The following IQCB1 variants were observed in gnomAD, a reference collection of about 807,000 sequenced individuals.
IQCB1 encodes IQ motif containing B1.
A neutral mutation model predicts 84.4 loss-of-function variants in IQCB1; 56 were observed. The observed-to-expected ratio is 0.66, with a 90% confidence interval of 0.54 to 0.83. IQCB1 has a LOEUF of 0.83. Among genes scored for constraint, IQCB1 ranks in the 40% least tolerant of loss-of-function variants. The probability of loss-of-function intolerance (pLI) is 0.00; values close to 1 mark genes in which losing one functional copy is unlikely to be tolerated. For synonymous variants in IQCB1, 210 were observed against 234.8 expected, an observed-to-expected ratio of 0.89 and a Z score of 0.96; for missense variants, 629 against 682.1, an observed-to-expected ratio of 0.92 and a Z score of 0.87.
At chr3:121,826,320 G>A (rs1279335126) in intron 4 of IQCB1, 140 bp from the exon 5 acceptor site, 2 of 825,924 alleles carry the variant, frequency 2.4e-6, no homozygotes, top group African/African-American at 3.4e-5. Context: ...TGAAAAATTA[G>A]TCTAACAACT....
intron 2 of IQCB1, among the ~76,000 whole-genome samples, chr3:121,831,526 C>T (rs1251016814): frequency 6.6e-6 from 1 of 152,112 alleles, no homozygotes; most frequent in Non-Finnish European, 1.5e-5. Flanking sequence ...ACAGGTAAAA[C>T]AACTTAGGGC....
chr3:121,827,646 T>C (rs1950505847), intron 4 of IQCB1, among the ~76,000 whole-genome samples: 1 of 152,114 alleles, frequency 6.6e-6, no homozygotes, highest in South Asian at 2.1e-4. Flanking sequence ...ATTTTTCAAC[T>C]GTTCTTTGTA....
At chr3:121,780,923 C>T (rs1276231806) in intron 13 of IQCB1, among the ~76,000 whole-genome samples, 1 of 151,882 alleles carries the variant, frequency 6.6e-6, no homozygotes, top group Non-Finnish European at 1.5e-5. Context: ...CAAACACCAC[C>T]ACCACAATCA....
At chr3:121,804,358 C>T (rs1949527208) in intron 7 of IQCB1, among the ~76,000 whole-genome samples, 1 of 151,996 alleles carries the variant, frequency 6.6e-6, no homozygotes, top group Non-Finnish European at 1.5e-5. Context: ...TATGTAATCA[C>T]CATTTCCGAT....
intron 1 of IQCB1, among the ~76,000 whole-genome samples, chr3:121,834,763 C>G (rs1708172261): frequency 6.6e-6 from 1 of 152,210 alleles, no homozygotes; most frequent in Admixed American, 6.5e-5. Flanking sequence ...GGATAAGACA[C>G]TAGGCCCTGT....
At chr3:121,819,062 G>T (rs1482237775) in intron 5 of IQCB1, among the ~76,000 whole-genome samples, 13 of 152,104 alleles carry the variant, frequency 8.5e-5, no homozygotes, top group Non-Finnish European at 1.2e-4. Context: ...TGAACTAGGG[G>T]GTCAAGGGGA....
At position 121,829,037 on chromosome 3, in the gene IQCB1, T is replaced by C. The variant is rs189702848; in HGVS notation, c.-12-65A>G. On this transcript the variant is annotated intron_variant, in intron 2 of 14. Transcript: ENST00000310864. ...CAGGAAATGTTCACTACCTAAATAA[T>C]GTTTGAAATATAATTTCAATATAAA... 249 of 837,398 alleles carry C rather than the reference T, an allele frequency of 3.0e-4. No homozygotes were observed. In the African/African-American group the frequency reaches 3.8e-3, roughly 13 times the overall value. 51.9% of individuals were successfully genotyped at this position (837,398 alleles called of 1,614,324 possible).
intron 5 of IQCB1, among the ~76,000 whole-genome samples, chr3:121,809,956 A>C (rs1219373099): frequency 1.3e-5 from 2 of 151,730 alleles, no homozygotes; most frequent in Non-Finnish European, 2.9e-5. Context: ...AAAAAAAAAA[A>C]ACCCATAAGA....
At chr3:121,788,798 A>G (rs1228948872) in intron 11 of IQCB1, among the ~76,000 whole-genome samples, 1 of 152,012 alleles carries the variant, frequency 6.6e-6, no homozygotes, top group Admixed American at 6.6e-5. Flanking sequence ...TCTCTACTCT[A>G]CATGCTTCCA....
At chr3:121,778,852 T>C (rs570416813) in intron 13 of IQCB1, among the ~76,000 whole-genome samples, 47 of 150,668 alleles carry the variant, frequency 3.1e-4, no homozygotes, top group Non-Finnish European at 5.0e-4. Context: ...GTTGCAGAGA[T>C]TGCGCCACTG....
intron 8 of IQCB1, among the ~76,000 whole-genome samples, chr3:121,797,592 A>C (rs957807584): frequency 2.6e-5 from 4 of 152,040 alleles, no homozygotes; most frequent in Non-Finnish European, 5.9e-5. Context: ...GACATTTTAA[A>C]GATAAATTAC....
At chr3:121,827,200 A>C (rs1950491982) in intron 4 of IQCB1, among the ~76,000 whole-genome samples, 2 of 152,212 alleles carry the variant, frequency 1.3e-5, no homozygotes, top group Middle Eastern at 3.4e-3. Flanking sequence ...ATAAGTGAGA[A>C]CAAACATTGA....
At chr3:121,818,635 C>A (rs935538908) in intron 5 of IQCB1, among the ~76,000 whole-genome samples, 2 of 152,016 alleles carry the variant, frequency 1.3e-5, no homozygotes, top group African/African-American at 4.8e-5. Flanking sequence ...AGAAAACAAG[C>A]AAGAGACTGA....
intron 13 of IQCB1, among the ~76,000 whole-genome samples, chr3:121,773,629 C>T: frequency 6.6e-6 from 1 of 152,060 alleles, no homozygotes; most frequent in East Asian, 1.9e-4. Flanking sequence ...TGGATATGAC[C>T]CTGTTCCACT....
At chr3:121,788,057 T>C (rs570016068) in intron 12 of IQCB1, among the ~76,000 whole-genome samples, 1 of 152,242 alleles carries the variant, frequency 6.6e-6, no homozygotes, top group South Asian at 2.1e-4. Flanking sequence ...CAAAACAACA[T>C]TGCAGTATAG....
chr3:121,793,763 C>A, intron 10 of IQCB1, among the ~76,000 whole-genome samples: 1 of 152,012 alleles, frequency 6.6e-6, no homozygotes, highest in Non-Finnish European at 1.5e-5. Context: ...ATAAAGAAAG[C>A]AATGGAATTT....
At chr3:121,782,084 C>T (rs879559838) in intron 12 of IQCB1, among the ~76,000 whole-genome samples, 4 of 151,874 alleles carry the variant, frequency 2.6e-5, no homozygotes, top group African/African-American at 9.7e-5. Context: ...GATATAGTCA[C>T]GTATTATTTG....
chr3:121,775,821 TAC>T (rs1157831899), intron 13 of IQCB1, among the ~76,000 whole-genome samples: 1 of 152,188 alleles, frequency 6.6e-6, no homozygotes, highest in Non-Finnish European at 1.5e-5. Context: ...AGCTTTGACA[TAC>T]ACATACCTAG....
At chr3:121,804,420 G>A (rs1949529136) in intron 7 of IQCB1, among the ~76,000 whole-genome samples, 1 of 152,074 alleles carries the variant, frequency 6.6e-6, no homozygotes, top group Admixed American at 6.6e-5. Flanking sequence ...GGACTTCCTT[G>A]AATATTTTTT....
Sources: allele counts gnomAD v4.1 joint callset (sites outside exome capture counted in the v4.1 genomes callset), GRCh38; gene constraint gnomAD v4.1.1; transcripts MANE v1.5; gene names NCBI Gene and HGNC (gene_info 2026-07-23, HGNC 2026-07-21).